Variants in ENTREP1 observed in about 807,000 individuals in gnomAD.
ENTREP1 encodes Friedreich ataxia region gene X123.
the ENTREP1 span, among the ~76,000 whole-genome samples, chr9:69,366,574 G>C: frequency 3.2e-3 from 479 of 151,770 alleles, 3 homozygotes; most frequent in Non-Finnish European, 5.1e-3. Flanking sequence ...TGTTTTTGTT[G>C]CCTGTGCTTT....
the ENTREP1 span, among the ~76,000 whole-genome samples, chr9:69,342,455 A>T: frequency 2.0e-5 from 3 of 152,208 alleles, no homozygotes; most frequent in African/African-American, 7.2e-5. Context: ...TATAAATTAA[A>T]TAAGCTGTTA....
At chr9:69,325,550 G>T in the ENTREP1 span, 1 of 1,183,982 alleles carries the variant, frequency 8.4e-7, no homozygotes. Context: ...GGCAGTCGCC[G>T]CCGCTGCCGC....
At chr9:69,328,152 T>C in the ENTREP1 span, among the ~76,000 whole-genome samples, 2 of 152,146 alleles carry the variant, frequency 1.3e-5, no homozygotes, top group African/African-American at 4.8e-5. Flanking sequence ...CTTCCTGGGC[T>C]CTGCTGCTGG....
the ENTREP1 span, chr9:69,381,142 C>T: frequency 6.6e-6 from 1 of 152,334 alleles, no homozygotes; most frequent in Admixed American, 6.5e-5. Context: ...GAATTTCCAT[C>T]TTCAGTGCTC....
chr9:69,358,832 A>G, the ENTREP1 span, among the ~76,000 whole-genome samples: 5 of 151,938 alleles, frequency 3.3e-5, no homozygotes, highest in South Asian at 2.1e-4. Flanking sequence ...TTTGTTGAAC[A>G]TATTTAATTG....
the ENTREP1 span, among the ~76,000 whole-genome samples, chr9:69,346,561 T>G: frequency 6.6e-6 from 1 of 152,224 alleles, no homozygotes; most frequent in Non-Finnish European, 1.5e-5. Context: ...GCTTTCCCAG[T>G]TTTTGATAGT....
the ENTREP1 span, among the ~76,000 whole-genome samples, chr9:69,333,867 A>ATGCACACACATG: frequency 6.6e-6 from 1 of 152,216 alleles, no homozygotes; most frequent in Non-Finnish European, 1.5e-5. Flanking sequence ...GGATACACAC[A>ATGCACACACATG]TGCACACACA....
the ENTREP1 span, chr9:69,329,317 A>G: frequency 1.1e-6 from 1 of 951,996 alleles, no homozygotes. Context: ...GGTTCAAGAG[A>G]CAAATATATT....
chr9:69,356,648 G>A, the ENTREP1 span, among the ~76,000 whole-genome samples: 1 of 152,180 alleles, frequency 6.6e-6, no homozygotes, highest in Admixed American at 6.5e-5. Flanking sequence ...CCATGGATAT[G>A]CAACTTTGTT....
the ENTREP1 span, among the ~76,000 whole-genome samples, chr9:69,358,915 T>C: frequency 6.8e-6 from 1 of 146,386 alleles, no homozygotes; most frequent in South Asian, 2.2e-4. Context: ...TTTTTTTTTT[T>C]TTTTTTGAGA....
At chr9:69,365,649 A>G in the ENTREP1 span, among the ~76,000 whole-genome samples, 1 of 151,830 alleles carries the variant, frequency 6.6e-6, no homozygotes, top group South Asian at 2.1e-4. Flanking sequence ...CCATTAACCA[A>G]CCTCTCTTCC....
chr9:69,361,404 T>C, the ENTREP1 span, among the ~76,000 whole-genome samples: 1 of 152,210 alleles, frequency 6.6e-6, no homozygotes, highest in African/African-American at 2.4e-5. Context: ...CTTTTGTGTC[T>C]GGCTTCTTTC....
At chr9:69,340,687 GTGTGTGTA>G in the ENTREP1 span, among the ~76,000 whole-genome samples, 10 of 141,298 alleles carry the variant, frequency 7.1e-5, no homozygotes, top group African/African-American at 2.4e-4. Context: ...GCATGCATGT[GTGTGTGTA>G]TGTGTGTGTG....
chr9:69,392,088 G>A, the ENTREP1 span: 2 of 466,952 alleles, frequency 4.3e-6, no homozygotes, highest in African/African-American at 3.9e-5. Context: ...ACATGCCCTG[G>A]CATGGGCAGA....
chr9:69,367,197 G>A, the ENTREP1 span, among the ~76,000 whole-genome samples: 1 of 151,202 alleles, frequency 6.6e-6, no homozygotes, highest in Admixed American at 6.6e-5. Flanking sequence ...ATCCTAAGGT[G>A]CTGGGATTAC....
chr9:69,377,274 T>C, the ENTREP1 span: 8 of 811,616 alleles, frequency 9.9e-6, no homozygotes, highest in African/African-American at 8.4e-5. Flanking sequence ...AATTGTCTTA[T>C]GGAGGCAGCG....
the ENTREP1 span, among the ~76,000 whole-genome samples, chr9:69,346,240 C>A: frequency 6.6e-6 from 1 of 151,990 alleles, no homozygotes; most frequent in Non-Finnish European, 1.5e-5. Context: ...ACCTAGGCCT[C>A]CCTAAGTGCT....
At chr9:69,325,039 C>G in the ENTREP1 span, 1 of 985,400 alleles carries the variant, frequency 1.0e-6, no homozygotes, top group African/African-American at 1.7e-5. Flanking sequence ...CGGCACAGCG[C>G]GAGCACGGAG....
At chr9:69,356,800 G>A in the ENTREP1 span, among the ~76,000 whole-genome samples, 1 of 152,152 alleles carries the variant, frequency 6.6e-6, no homozygotes, top group African/African-American at 2.4e-5. Flanking sequence ...ATGATCCACT[G>A]ACTGTTTCTC....
Sources: allele counts gnomAD v4.1 joint callset (sites outside exome capture counted in the v4.1 genomes callset), GRCh38; gene constraint gnomAD v4.1.1; transcripts MANE v1.5; gene names NCBI Gene and HGNC (gene_info 2026-07-23, HGNC 2026-07-21).